MYO9A: variants seen among roughly 807,000 people sequenced by gnomAD.
MYO9A encodes myosin IXA, also known as unconventional myosin-IXa.
A neutral mutation model predicts 293.3 loss-of-function variants in MYO9A; 103 were observed. The ratio of observed to expected loss-of-function variants is 0.35; its 90% CI spans 0.30 to 0.41. The LOEUF (loss-of-function observed/expected upper bound fraction) is 0.41, where lower values mean the gene tolerates loss of function less well. Among genes scored for constraint, MYO9A ranks in the 10% least tolerant of loss-of-function variants. The probability of loss-of-function intolerance (pLI) is 1.00; values close to 1 mark genes in which losing one functional copy is unlikely to be tolerated. For synonymous variants in MYO9A, 1,001 were observed against 1,035.7 expected (o/e 0.97, Z 0.64); for missense variants, 2,685 against 3,033.0 (o/e 0.89, Z 2.69).
Position 72,045,850 on chromosome 15 carries a change from T to C in MYO9A, c.714A>G (p.Ser238=). The C allele has an allele frequency of 6.2e-7, 1 of 1,614,184 alleles. No individual in the cohort carries two copies. Among genetic ancestry groups the C allele is most frequent in the Non-Finnish European group, 8.5e-7 (1 of 1,180,028 alleles). Residue 238 remains serine (S), a synonymous_variant, in exon 2 of 42, where the codon TCA becomes TCG. Transcript: ENST00000356056. ...QRKKNQCIVI[S]GESGSGKTQS... is the part of the protein sequence containing the mutation. ...GAGTCTTCCCAGAACCACTCTCTCC[T>C]GAAATCACGATGCACTGATTCTTTT... is the stretch of plus-strand genomic sequence containing the variant.
At chr15:71,828,542 CTGAT>C (rs942836765) in intron 40 of MYO9A, among the ~76,000 whole-genome samples, 2 of 152,134 alleles carry the variant, frequency 1.3e-5, no homozygotes, top group African/African-American at 4.8e-5. Flanking sequence ...AAGAAAAACA[CTGAT>C]TGATCTTTTC....
At position 71,887,992 on chromosome 15, in the gene MYO9A, T is replaced by C; in HGVS notation, c.5255+12A>G. 1 of 1,435,650 alleles carries C rather than the reference T, an allele frequency of 7.0e-7. No individual in the cohort carries two copies. The highest frequency in any genetic ancestry group is 9.7e-7 in the Non-Finnish European group (1 of 1,030,778). The allele number at this position is 1,435,650 out of a possible 1,614,324, so 88.9% of individuals were successfully genotyped here. On this transcript the variant is annotated intron_variant, in intron 27 of 41. Coordinates refer to ENST00000356056, the MANE Select transcript of MYO9A (RefSeq NM_006901.4). ...TTATATAACCCCTGTTAACTCCGTGTATACTTTATACCTTATATCTGAATC... is the reference window on the plus strand; with the variant it reads ...TTATATAACCCCTGTTAACTCCGTGCATACTTTATACCTTATATCTGAATC...
intron 13 of MYO9A, among the ~76,000 whole-genome samples, chr15:71,962,066 G>A (rs2147062359): frequency 6.6e-6 from 1 of 152,264 alleles, no homozygotes; most frequent in South Asian, 2.1e-4. Context: ...ATTGTAAATA[G>A]GCAGGGACAA....
At chr15:71,995,528 A>G (rs2076673459) in intron 9 of MYO9A, among the ~76,000 whole-genome samples, 1 of 152,062 alleles carries the variant, frequency 6.6e-6, no homozygotes, top group Non-Finnish European at 1.5e-5. Context: ...CTTAAAAAAC[A>G]AAGAATTTCA....
At chr15:72,019,131 G>A (rs759812292) in intron 5 of MYO9A, 36 bp from the exon 6 acceptor site, 1 of 1,521,404 alleles carries the variant, frequency 6.6e-7, no homozygotes, top group East Asian at 2.3e-5. Flanking sequence ...TAGAAGTAAT[G>A]GTTATTATAC....
chr15:72,102,057 G>C (rs1306835055), intron 1 of MYO9A, among the ~76,000 whole-genome samples: 1 of 151,206 alleles, frequency 6.6e-6, no homozygotes, highest in African/African-American at 2.4e-5. Flanking sequence ...GGCGGGAAAG[G>C]TGGGGAAAAG....
intron 1 of MYO9A, among the ~76,000 whole-genome samples, chr15:72,100,872 G>T (rs1246273119): frequency 2.3e-4 from 34 of 148,138 alleles, no homozygotes; most frequent in Admixed American, 2.0e-4. Context: ...AGGGAGGTGG[G>T]GGGGGTCAGC....
At position 71,823,971 on chromosome 15, in the gene MYO9A, G is replaced by A. The variant is rs947310218; in HGVS notation, c.*2609C>T. The stretch of plus-strand genomic sequence containing the variant: ...TGCAGAGGGCCAGTGAGAACAGATG[G>A]ATGCAGACACAGCGTTTGGTTCTGA... On this transcript the variant is annotated 3_prime_UTR_variant, in exon 42 of 42. Transcript: ENST00000356056. 1.3e-5 allele frequency: 2 copies of A among 152,208 alleles called. No homozygotes were observed. Among genetic ancestry groups the A allele is most frequent in the East Asian group, 1.9e-4 (1 of 5,198 alleles). 9.4% of individuals were successfully genotyped at this position (152,208 alleles called of 1,614,324 possible). A position where few individuals can be genotyped will look rare whatever the true frequency, so the allele number is the denominator to read the frequency against.
chr15:72,032,735 T>G (rs1444372038), intron 2 of MYO9A, 147 bp from the exon 3 acceptor site: 1 of 446,886 alleles, frequency 2.2e-6, no homozygotes. Context: ...TTCAGACTCA[T>G]TCACAGTTCA....
At chr15:71,990,961 G>A in intron 11 of MYO9A, 142 bp downstream of exon 11, 1 of 839,480 alleles carries the variant, frequency 1.2e-6, no homozygotes, top group South Asian at 3.2e-5. Context: ...GGTTATTCTT[G>A]TTTGTAAAGG....
At chr15:72,104,587 G>C (rs943439060) in intron 1 of MYO9A, among the ~76,000 whole-genome samples, 1 of 152,162 alleles carries the variant, frequency 6.6e-6, no homozygotes, top group African/African-American at 2.4e-5. Flanking sequence ...ATCAATAAAT[G>C]AAACAACTTC....
intron 11 of MYO9A, among the ~76,000 whole-genome samples, chr15:71,990,429 CA>C (rs1395048083): frequency 2.0e-5 from 3 of 151,946 alleles, no homozygotes; most frequent in African/African-American, 4.8e-5. Context: ...CATCTGCTTA[CA>C]ATGATATGTG....
At chr15:71,852,301 G>A in intron 35 of MYO9A, 41 bp from the exon 36 acceptor site, 1 of 1,543,072 alleles carries the variant, frequency 6.5e-7, no homozygotes, top group Non-Finnish European at 8.8e-7. Flanking sequence ...GCCAAAACAT[G>A]CAAAGAGATT....
chr15:71,880,203 T>C (rs1324230192), intron 29 of MYO9A, 132 bp downstream of exon 29: 19 of 801,278 alleles, frequency 2.4e-5, no homozygotes, highest in Middle Eastern at 2.6e-4. Context: ...ATTCACACCT[T>C]TCTGGTAAAG....
intron 3 of MYO9A, among the ~76,000 whole-genome samples, chr15:72,031,358 C>T (rs1050856326): frequency 3.3e-5 from 5 of 152,052 alleles, no homozygotes; most frequent in Admixed American, 1.3e-4. Context: ...TGGTGGTACA[C>T]GCCTGTAGTC....
chr15:71,956,321 A>AT (rs2059180361), intron 14 of MYO9A, among the ~76,000 whole-genome samples: 12 of 70,992 alleles, frequency 1.7e-4, no homozygotes, highest in South Asian at 5.6e-4. Flanking sequence ...AAAAAAAAAA[A>AT]AAAAAAAAAA....
At chr15:71,912,867 A>C (rs2057901768) in intron 19 of MYO9A, among the ~76,000 whole-genome samples, 1 of 152,016 alleles carries the variant, frequency 6.6e-6, no homozygotes, top group Non-Finnish European at 1.5e-5. Flanking sequence ...ATCTTCACTT[A>C]GTTACACAAA....
intron 1 of MYO9A, among the ~76,000 whole-genome samples, chr15:72,047,774 C>CTTT (rs11397735): frequency 0.052 from 3,835 of 74,278 alleles, 536 homozygotes; most frequent in East Asian, 0.16. Context: ...CAGTTACTTC[C>CTTT]TTTTTTTTTT....
chr15:72,069,811 G>T (rs181978367), intron 1 of MYO9A, among the ~76,000 whole-genome samples: 1 of 151,904 alleles, frequency 6.6e-6, no homozygotes, highest in African/African-American at 2.4e-5. Context: ...AATTAGAATG[G>T]GGGGGTGGGG....
Sources: allele counts gnomAD v4.1 joint callset (sites outside exome capture counted in the v4.1 genomes callset), GRCh38; gene constraint gnomAD v4.1.1; transcripts MANE v1.5; gene names NCBI Gene and HGNC (gene_info 2026-07-23, HGNC 2026-07-21).